Variants in ROBO1 observed in about 807,000 individuals in gnomAD.
The protein encoded by ROBO1 is roundabout homolog 1.
Under a neutral mutation model 195.9 loss-of-function variants are expected in ROBO1, and 149 were observed. The observed-to-expected ratio is 0.76, with a 90% confidence interval of 0.67 to 0.87. The LOEUF is 0.87. Among genes scored for constraint, ROBO1 ranks in the 40% least tolerant of loss-of-function variants. ROBO1 has a pLI of 0.00. For synonymous variants in ROBO1, 816 were observed against 733.2 expected (o/e 1.11, Z -1.82); for missense variants, 1,933 against 2,068.3 (o/e 0.93, Z 1.27).
At chr3:79,765,004 A>T (rs1422406198) in intron 1 of ROBO1, among the ~76,000 whole-genome samples, 1 of 152,204 alleles carries the variant, frequency 6.6e-6, no homozygotes. Flanking sequence ...CATAGAGTAG[A>T]GCCCAGAAGA....
chr3:78,635,794 C>G lies in ROBO1; in HGVS notation c.3352G>C (p.Glu1118Gln). Residue 1118 changes from glutamate to glutamine, a missense_variant, in exon 23 of 31, where the codon GAG (glutamate) becomes CAG (glutamine). Glu to Gln is a conservative substitution (Grantham distance 29). Transcript: ENST00000464233. The stretch of plus-strand genomic sequence containing the variant: ...TCACCTTTGTTCAGCTTGTTTTGCT[C>G]CACGATGTTGTACTGAACTGGTGCC... Reference protein sequence around the residue: ...EVAPVQYNIVEQNKLNKDYRA... With the variant: ...EVAPVQYNIVQQNKLNKDYRA... 6.2e-7 allele frequency: 1 copy of G among 1,613,702 alleles called. No individual in the cohort carries two copies. The highest frequency in any genetic ancestry group is 8.5e-7 in the Non-Finnish European group (1 of 1,179,742).
In ROBO1 at chr3:79,604,927, T is replaced by C. The variant is rs567054400; in HGVS notation, c.-50-14966A>G. Reference sequence around the variant, plus strand: ...AGCCAAAACTATTTGTTGCTTGTTTTCTTAACACATTCCATTTACTGCCAA... The same window carrying C: ...AGCCAAAACTATTTGTTGCTTGTTTCCTTAACACATTCCATTTACTGCCAA... On this transcript the variant is annotated intron_variant, in intron 1 of 30. Coordinates refer to ENST00000464233, the MANE Select transcript of ROBO1 (RefSeq NM_002941.4). 3.9e-5 allele frequency among the ~76,000 whole-genome samples: 6 copies of C among 152,186 alleles called. No homozygotes were observed. In the East Asian group the frequency reaches 7.8e-4, roughly 20 times the overall value.
At chr3:79,683,128 T>C (rs1946999179) in intron 1 of ROBO1, among the ~76,000 whole-genome samples, 1 of 152,024 alleles carries the variant, frequency 6.6e-6, no homozygotes, top group Middle Eastern at 3.2e-3. Flanking sequence ...TTTTCTATCT[T>C]TGGTAAACCC....
At chr3:78,669,169 A>G (rs1707911756) in intron 11 of ROBO1, among the ~76,000 whole-genome samples, 1 of 152,232 alleles carries the variant, frequency 6.6e-6, no homozygotes, top group South Asian at 2.1e-4. Flanking sequence ...CAGAAGGCAA[A>G]CATAGGTTAC....
chr3:79,530,257 A>G (rs947961599), intron 2 of ROBO1, among the ~76,000 whole-genome samples: 2 of 152,112 alleles, frequency 1.3e-5, no homozygotes, highest in African/African-American at 4.8e-5. Context: ...TTCTAATTTT[A>G]TACTTTCTCC....
intron 2 of ROBO1, among the ~76,000 whole-genome samples, chr3:79,237,034 G>GA (rs1285674367): frequency 6.6e-6 from 1 of 151,948 alleles, no homozygotes; most frequent in Non-Finnish European, 1.5e-5. Flanking sequence ...TGCTAGAAAA[G>GA]AAAAAATGTT....
intron 3 of ROBO1, among the ~76,000 whole-genome samples, chr3:79,062,902 A>C (rs933745945): frequency 1.3e-5 from 2 of 151,608 alleles, no homozygotes; most frequent in African/African-American, 4.9e-5. Flanking sequence ...TGATGGGTGC[A>C]GCAAACCAAC....
intron 4 of ROBO1, among the ~76,000 whole-genome samples, chr3:78,892,713 G>A (rs2036978068): frequency 6.6e-6 from 1 of 152,114 alleles, no homozygotes; most frequent in Non-Finnish European, 1.5e-5. Context: ...GAAATACTTA[G>A]TTCATGTTTC....
At chr3:78,852,457 GTTA>G (rs1472779051) in intron 4 of ROBO1, among the ~76,000 whole-genome samples, 1 of 152,102 alleles carries the variant, frequency 6.6e-6, no homozygotes, top group African/African-American at 2.4e-5. Context: ...TGGCAATTCA[GTTA>G]TTATTAAGAA....
At chr3:78,858,872 T>C (rs1265892657) in intron 4 of ROBO1, among the ~76,000 whole-genome samples, 1 of 150,898 alleles carries the variant, frequency 6.6e-6, no homozygotes, top group Non-Finnish European at 1.5e-5. Flanking sequence ...GAAATAAATA[T>C]GAATAGCCAA....
chr3:79,184,810 C>G (rs1218757287), intron 2 of ROBO1, among the ~76,000 whole-genome samples: 1 of 152,112 alleles, frequency 6.6e-6, no homozygotes, highest in African/African-American at 2.4e-5. Flanking sequence ...TCAAGAGTTT[C>G]CTTCTACAAT....
In ROBO1 at chr3:79,274,885, A is replaced by G. The variant is rs770910861; in HGVS notation, c.89-149346T>C. Among the ~76,000 whole-genome samples, 24 of 152,142 alleles carry G rather than the reference A, an allele frequency of 1.6e-4. 1 individual carries two copies. The highest frequency in any genetic ancestry group is 5.9e-4 in the Admixed American group (9 of 15,252). On this transcript the variant is annotated intron_variant, in intron 2 of 30. Coordinates refer to ENST00000464233, the MANE Select transcript of ROBO1 (RefSeq NM_002941.4). Reference sequence around the variant, plus strand: ...ATGCCAATAAATTGGAAAGCCTAGAAGAAATGAATAAATTCCTAGAAACAT... The same window carrying G: ...ATGCCAATAAATTGGAAAGCCTAGAGGAAATGAATAAATTCCTAGAAACAT...
chr3:79,283,208 A>G (rs1385531709), intron 2 of ROBO1, among the ~76,000 whole-genome samples: 1 of 152,210 alleles, frequency 6.6e-6, no homozygotes, highest in African/African-American at 2.4e-5. Context: ...CTAAGTACTG[A>G]GTACTACCAG....
intron 4 of ROBO1, among the ~76,000 whole-genome samples, chr3:78,768,408 A>T (rs1022271327): frequency 1.3e-5 from 2 of 152,068 alleles, no homozygotes; most frequent in Non-Finnish European, 2.9e-5. Context: ...ACTTTAAAAA[A>T]ATATATGTTC....
intron 2 of ROBO1, among the ~76,000 whole-genome samples, chr3:79,441,927 G>T (rs73129022): frequency 0.066 from 10,053 of 151,972 alleles, 407 homozygotes; most frequent in East Asian, 0.14. Context: ...AAATTAATCT[G>T]CTATAGATAT....
Position 78,617,804 on chromosome 3 carries a change from G to C in ROBO1, c.4113C>G (p.Ile1371Met). The C allele has an allele frequency of 6.2e-7, 1 of 1,613,922 alleles. No individual in the cohort carries two copies. The highest frequency in any genetic ancestry group is 8.5e-7 in the Non-Finnish European group (1 of 1,179,858). ...DLESSVTGSM[I>M]NGWGSASEED... The stretch of plus-strand genomic sequence containing the variant: ...CCTCTGAGGCTGAGCCCCAGCCGTT[G>C]ATCATGGACCCCGTGACAGAGCTCT... The change falls in exon 27 of 31, where the codon ATC (isoleucine) becomes ATG (methionine). Residue 1371 changes from isoleucine (I) to methionine (M), a missense_variant. By Grantham distance (10) the Ile-to-Met change is conservative. This residue lies in a region of ROBO1 where 1,737 missense variants were observed against 1,882.5 expected (regional missense o/e 0.92). Transcript: ENST00000464233.
chr3:79,323,721 T>A (rs1018353443), intron 2 of ROBO1, among the ~76,000 whole-genome samples: 2 of 152,216 alleles, frequency 1.3e-5, no homozygotes, highest in Non-Finnish European at 2.9e-5. Context: ...ATAAATTTAT[T>A]CTTTATCACT....
At chr3:79,356,145 A>G (rs2035546293) in intron 2 of ROBO1, among the ~76,000 whole-genome samples, 1 of 152,146 alleles carries the variant, frequency 6.6e-6, no homozygotes, top group Non-Finnish European at 1.5e-5. Context: ...GTTCCAGACT[A>G]GCCTGGCCAA....
intron 4 of ROBO1, among the ~76,000 whole-genome samples, chr3:78,758,549 ATC>A (rs1250996141): frequency 5.2e-5 from 7 of 135,480 alleles, no homozygotes; most frequent in African/African-American, 2.0e-4. Context: ...AAAAAAAAAA[ATC>A]CTCCTCAGGA....
Sources: allele counts gnomAD v4.1 joint callset (sites outside exome capture counted in the v4.1 genomes callset), GRCh38; gene constraint gnomAD v4.1.1; regional missense constraint gnomAD v4.1.1; transcripts MANE v1.5; gene names NCBI Gene and HGNC (gene_info 2026-07-23, HGNC 2026-07-21).